The following LRBA variants were observed in gnomAD, a reference collection of about 807,000 sequenced individuals.
LRBA encodes the protein lipopolysaccharide-responsive and beige-like anchor protein.
A neutral mutation model predicts 330.0 loss-of-function variants in LRBA; 176 were observed. That is an observed-to-expected ratio of 0.53 (90% CI 0.47 to 0.60). LRBA has a LOEUF of 0.60. LRBA is among the 20% of genes least tolerant of loss of function. LRBA has a pLI of 0.00. For synonymous variants in LRBA, 1,230 were observed against 1,193.0 expected, an observed-to-expected ratio of 1.03 and a Z score of -0.64; for missense variants, 3,259 against 3,444.8, an observed-to-expected ratio of 0.95 and a Z score of 1.35.
chr4:150,542,216 G>A (rs1213546637), intron 40 of LRBA, among the ~76,000 whole-genome samples: 1 of 152,138 alleles, frequency 6.6e-6, no homozygotes, highest in Non-Finnish European at 1.5e-5. Context: ...GTTTCCTGCA[G>A]GCAGGCAGTA....
intron 26 of LRBA, among the ~76,000 whole-genome samples, chr4:150,848,204 G>A (rs953915481): frequency 6.6e-6 from 1 of 151,970 alleles, no homozygotes; most frequent in Non-Finnish European, 1.5e-5. Flanking sequence ...TAGTAAAGAC[G>A]GGGTTTCACC....
intron 28 of LRBA, among the ~76,000 whole-genome samples, chr4:150,834,451 G>C (rs978463757): frequency 1.1e-4 from 17 of 152,152 alleles, no homozygotes; most frequent in African/African-American, 3.6e-4. Context: ...GAATCTCCTT[G>C]TATATCTGAT....
At chr4:150,929,699 C>T (rs1419133537) in intron 2 of LRBA, among the ~76,000 whole-genome samples, 2 of 152,070 alleles carry the variant, frequency 1.3e-5, no homozygotes, top group Non-Finnish European at 2.9e-5. Context: ...CCTCCCCATA[C>T]AGAGGGAAGG....
intron 2 of LRBA, among the ~76,000 whole-genome samples, chr4:150,962,306 C>T (rs1738233878): frequency 6.7e-6 from 1 of 148,568 alleles, no homozygotes; most frequent in East Asian, 2.0e-4. Context: ...TTGCTTCAGT[C>T]CAGGTGTGCA....
chr4:150,972,476 C>G (rs575999396), intron 2 of LRBA, among the ~76,000 whole-genome samples: 1 of 152,140 alleles, frequency 6.6e-6, no homozygotes, highest in Non-Finnish European at 1.5e-5. Flanking sequence ...CTCATAGTGA[C>G]TAACAGATTT....
At chr4:150,535,418 A>T (rs1044957862) in intron 40 of LRBA, among the ~76,000 whole-genome samples, 2 of 152,196 alleles carry the variant, frequency 1.3e-5, no homozygotes, top group Non-Finnish European at 1.5e-5. Flanking sequence ...GATTACAGGC[A>T]CAAGCCATGG....
At chr4:150,722,265 C>A (rs1729038261) in intron 36 of LRBA, among the ~76,000 whole-genome samples, 1 of 152,058 alleles carries the variant, frequency 6.6e-6, no homozygotes, top group South Asian at 2.1e-4. Flanking sequence ...GGCAAATATT[C>A]TTAAACATGG....
At chr4:150,834,494 T>G (rs143707434) in intron 28 of LRBA, among the ~76,000 whole-genome samples, 85 of 152,330 alleles carry the variant, frequency 5.6e-4, no homozygotes, top group African/African-American at 2.0e-3. Context: ...TGATTATCAA[T>G]GAGCAGTAAT....
intron 37 of LRBA, among the ~76,000 whole-genome samples, chr4:150,664,505 T>A (rs1451127778): frequency 6.6e-6 from 1 of 152,196 alleles, no homozygotes; most frequent in Non-Finnish European, 1.5e-5. Context: ...ACATGCAGTG[T>A]GGATTTCATG....
rs777413769 is a variant in LRBA at position 150,852,870 on chromosome 4, ATTTC to A, written c.2836_2839del (p.Glu946Ter). 23 of 1,610,246 alleles carry A rather than the reference ATTTC, an allele frequency of 1.4e-5. No individual in the cohort carries two copies. The highest frequency in any genetic ancestry group is 1.9e-5 in the Non-Finnish European group (22 of 1,178,366). ...AACTGAAGTTGAAGAACACAGCCCT[ATTTC>A]TTCATCAACTTTTCCTTGCTGTTCC... is the stretch of plus-strand genomic sequence containing the variant. On this transcript the variant is annotated frameshift_variant, in exon 23 of 57. Coordinates refer to ENST00000651943, the MANE Select transcript of LRBA (RefSeq NM_001364905.1). LOFTEE classifies it high-confidence loss of function.
chr4:150,505,276 AT>A (rs1271714918), intron 40 of LRBA, among the ~76,000 whole-genome samples: 5 of 151,918 alleles, frequency 3.3e-5, no homozygotes, highest in African/African-American at 4.8e-5. Flanking sequence ...CAGAATATAC[AT>A]TTTTTTTCAG....
intron 4 of LRBA, among the ~76,000 whole-genome samples, chr4:150,924,608 T>C (rs1188703373): frequency 6.6e-6 from 1 of 152,174 alleles, no homozygotes; most frequent in African/African-American, 2.4e-5. Flanking sequence ...TTTCCACATG[T>C]AAAAATCTAT....
At chr4:150,794,786 G>C (rs1560826558) in intron 34 of LRBA, among the ~76,000 whole-genome samples, 1 of 152,050 alleles carries the variant, frequency 6.6e-6, no homozygotes. Context: ...ACTACATGGT[G>C]CTTCTAGTTT....
At chr4:150,489,671 A>G (rs1022171693) in intron 41 of LRBA, among the ~76,000 whole-genome samples, 2 of 125,878 alleles carry the variant, frequency 1.6e-5, no homozygotes, top group African/African-American at 6.1e-5. Context: ...ATATAAGAAT[A>G]TATATTATAT....
At chr4:150,335,465 G>A (rs7656451) in intron 48 of LRBA, among the ~76,000 whole-genome samples, 120,975 of 146,524 alleles carry the variant, frequency 0.83, 50,342 homozygotes, top group Non-Finnish European at 0.87. Flanking sequence ...GTATATATGT[G>A]TATATATATA....
chr4:150,670,540 ATC>A (rs1002385033), intron 37 of LRBA, among the ~76,000 whole-genome samples: 14 of 152,174 alleles, frequency 9.2e-5, no homozygotes, highest in African/African-American at 3.4e-4. Context: ...ATCCAAAAAG[ATC>A]TAGTTTTTTA....
chr4:150,410,340 A>G (rs559640409), intron 47 of LRBA, among the ~76,000 whole-genome samples: 1 of 152,294 alleles, frequency 6.6e-6, no homozygotes, highest in Non-Finnish European at 1.5e-5. Context: ...TTATTTCTTT[A>G]TCAACCTTGT....
chr4:150,782,527 C>A (rs1413109874), intron 34 of LRBA, among the ~76,000 whole-genome samples: 1 of 152,112 alleles, frequency 6.6e-6, no homozygotes, highest in Non-Finnish European at 1.5e-5. Context: ...TGGCTTGTGG[C>A]CAAAGAAAAC....
At chr4:150,283,435 AT>A (rs1747790280) in intron 54 of LRBA, among the ~76,000 whole-genome samples, 1 of 152,190 alleles carries the variant, frequency 6.6e-6, no homozygotes. Flanking sequence ...AGGAACAAAA[AT>A]TGCTTGTGTG....
Sources: gnomAD v4.1 joint callset for allele counts (sites outside exome capture counted in the v4.1 genomes callset) on GRCh38, gnomAD v4.1.1 for gene constraint, MANE v1.5 for transcripts, NCBI Gene and HGNC (gene_info 2026-07-23, HGNC 2026-07-21) for gene names.